Variants in DAB1 observed in about 807,000 individuals in gnomAD.
DAB1 encodes DAB adaptor protein 1.
A neutral mutation model predicts 64.6 loss-of-function variants in DAB1; 15 were observed. The observed-to-expected ratio is 0.23, with a 90% CI of 0.16 to 0.36. The LOEUF is 0.36. DAB1 is among the 10% of genes least tolerant of loss of function. DAB1 has a pLI of 1.00. For synonymous variants in DAB1, 235 were observed against 251.9 expected (o/e 0.93, Z 0.64); for missense variants, 596 against 706.7 (o/e 0.84, Z 1.78).
At chr1:58,471,722 A>G (rs972579340) in intron 3 of DAB1, among the ~76,000 whole-genome samples, 4 of 151,960 alleles carry the variant, frequency 2.6e-5, no homozygotes, top group African/African-American at 9.7e-5. Context: ...TTATCACAAG[A>G]TCTGGTTGTT....
At chr1:57,927,042 G>A (rs1270836696) in intron 5 of DAB1, among the ~76,000 whole-genome samples, 3 of 152,154 alleles carry the variant, frequency 2.0e-5, no homozygotes, top group African/African-American at 7.2e-5. Context: ...CTACTCCCTA[G>A]TTCTGCAACT....
At chr1:58,158,738 C>T (rs192171542) in intron 4 of DAB1, among the ~76,000 whole-genome samples, 3 of 152,252 alleles carry the variant, frequency 2.0e-5, no homozygotes, top group East Asian at 3.9e-4. Context: ...AGGAAGACAT[C>T]GTTAAGCAGC....
intron 2 of DAB1, among the ~76,000 whole-genome samples, chr1:57,210,190 T>C (rs76596067): frequency 0.019 from 2,835 of 152,290 alleles, 47 homozygotes; most frequent in Middle Eastern, 0.041. Context: ...TTAATAAGCA[T>C]TGTGTTGCTA....
intron 1 of DAB1, among the ~76,000 whole-genome samples, chr1:57,342,831 C>T (rs140625513): frequency 0.012 from 1,825 of 148,986 alleles, 27 homozygotes; most frequent in African/African-American, 0.035. Context: ...TGGTTCCTCG[C>T]GGTGGGTTCG....
intron 6 of DAB1, among the ~76,000 whole-genome samples, chr1:57,768,754 G>A (rs1213534313): frequency 1.3e-5 from 2 of 151,796 alleles, no homozygotes; most frequent in African/African-American, 2.4e-5. Flanking sequence ...CACAAGCCCC[G>A]CAGCAGGGTT....
chr1:57,950,728 C>A (rs1645260355), intron 5 of DAB1, among the ~76,000 whole-genome samples: 1 of 152,148 alleles, frequency 6.6e-6, no homozygotes, highest in Non-Finnish European at 1.5e-5. Context: ...TTTCAAAACC[C>A]AGCTCAGACA....
chr1:58,252,970 T>C (rs1464372594), intron 4 of DAB1, among the ~76,000 whole-genome samples: 2 of 152,196 alleles, frequency 1.3e-5, no homozygotes, highest in African/African-American at 2.4e-5. Flanking sequence ...AACTAGTATA[T>C]TGAAGTCCAG....
At chr1:58,513,663 A>G (rs1646116158) in intron 2 of DAB1, among the ~76,000 whole-genome samples, 1 of 152,234 alleles carries the variant, frequency 6.6e-6, no homozygotes, top group Admixed American at 6.5e-5. Flanking sequence ...AATCAGAAAT[A>G]TCTGGGTTCA....
intron 6 of DAB1, among the ~76,000 whole-genome samples, chr1:57,718,835 G>A (rs939530032): frequency 6.6e-6 from 1 of 152,028 alleles, no homozygotes; most frequent in African/African-American, 2.4e-5. Flanking sequence ...AAATAATGAA[G>A]CCTTGAGATG....
chr1:57,687,417 A>G (rs534803773), intron 6 of DAB1, among the ~76,000 whole-genome samples: 10 of 152,220 alleles, frequency 6.6e-5, no homozygotes, highest in African/African-American at 2.4e-4. Flanking sequence ...AAAACACTCC[A>G]TGCTCATGAA....
intron 2 of DAB1, among the ~76,000 whole-genome samples, chr1:57,258,778 A>C (rs1470883469): frequency 6.6e-6 from 1 of 151,998 alleles, no homozygotes; most frequent in Non-Finnish European, 1.5e-5. Context: ...ATCGAGTCTT[A>C]AATAGATGGG....
chr1:57,727,572 T>A (rs553746355), intron 6 of DAB1, among the ~76,000 whole-genome samples: 1 of 152,344 alleles, frequency 6.6e-6, no homozygotes, highest in East Asian at 1.9e-4. Flanking sequence ...CATAAATGGC[T>A]TCTGGATCCT....
intron 7 of DAB1, among the ~76,000 whole-genome samples, chr1:57,560,557 T>C (rs1234687887): frequency 6.6e-6 from 1 of 152,188 alleles, no homozygotes; most frequent in Non-Finnish European, 1.5e-5. Context: ...TCTATGTGGA[T>C]TTTGGAGGCA....
chr1:58,275,354 C>G (rs1661417505), intron 4 of DAB1, among the ~76,000 whole-genome samples: 1 of 152,108 alleles, frequency 6.6e-6, no homozygotes, highest in Admixed American at 6.6e-5. Flanking sequence ...ATTAAAACTT[C>G]TTTGCACAAA....
Position 57,877,555 on chromosome 1 carries a change from T to A in DAB1, n.87+6444A>T, listed in dbSNP as rs201854189. Among the ~76,000 whole-genome samples the A allele has an allele frequency of 1.1e-3, 23 of 20,812 alleles. 8 individuals carry two copies. The highest frequency in any genetic ancestry group is 2.1e-3 in the East Asian group (2 of 944). 13.7% of individuals were successfully genotyped at this position (20,812 alleles called of 152,430 possible). A position where few individuals can be genotyped will look rare whatever the true frequency, so the allele number is the denominator to read the frequency against. ...AATCCTAATTGATTTATTTTTTTTT[T>A]TTTTTTTTTTTTTTTTGAGACGGAG... On this transcript the variant is annotated intron_variant and non_coding_transcript_variant, in intron 1 of 1. Coordinates refer to the DAB1 transcript ENST00000477280.
rs1671844065 is a variant in DAB1, at chr1:57,281,042, T to C, written c.67+9922A>G. ...TGAGACTCCTTAGAATCCAGGGGACTCAGGTGAGATTTTTCGTGGCCGTAA... is the reference window on the plus strand; with the variant it reads ...TGAGACTCCTTAGAATCCAGGGGACCCAGGTGAGATTTTTCGTGGCCGTAA... On this transcript the variant is annotated intron_variant, in intron 2 of 14. Coordinates refer to ENST00000371236, the MANE Select transcript of DAB1 (RefSeq NM_001365792.1). 1.3e-5 allele frequency among the ~76,000 whole-genome samples: 2 copies of C among 152,170 alleles called. 1 individual carries two copies. Among genetic ancestry groups the C allele is most frequent in the Admixed American group, 1.3e-4 (2 of 15,266 alleles).
intron 6 of DAB1, among the ~76,000 whole-genome samples, chr1:57,795,716 T>G (rs1462587455): frequency 7.4e-6 from 1 of 134,374 alleles, no homozygotes; most frequent in Non-Finnish European, 1.6e-5. Context: ...TATATATATA[T>G]ATATATATAT....
chr1:57,422,267 G>C (rs1684973113), intron 1 of DAB1, among the ~76,000 whole-genome samples: 1 of 152,212 alleles, frequency 6.6e-6, no homozygotes, highest in African/African-American at 2.4e-5. Context: ...CGGCCAGCAG[G>C]AAGGGAGCAG....
intron 5 of DAB1, among the ~76,000 whole-genome samples, chr1:58,107,274 C>T (rs1165126579): frequency 2.2e-5 from 3 of 138,352 alleles, no homozygotes; most frequent in Non-Finnish European, 4.6e-5. Context: ...GCTTGGCTAA[C>T]ATGATGAAAC....
Sources: gnomAD v4.1 joint callset for allele counts (sites outside exome capture counted in the v4.1 genomes callset) on GRCh38, gnomAD v4.1.1 for gene constraint, MANE v1.5 for transcripts, NCBI Gene and HGNC (gene_info 2026-07-23, HGNC 2026-07-21) for gene names.